ARHGAP31: variants seen among roughly 807,000 people sequenced by gnomAD.
ARHGAP31 encodes the protein rho GTPase-activating protein 31.
A neutral mutation model predicts 113.9 loss-of-function variants in ARHGAP31; 34 were observed. The ratio of observed to expected loss-of-function variants is 0.30; its 90% CI spans 0.23 to 0.40. ARHGAP31 has a LOEUF of 0.40. Ranked by LOEUF, ARHGAP31 falls within the 10% of genes least tolerant of loss-of-function variation. The pLI is 1.00. For missense variants in ARHGAP31, 1,548 were observed against 1,767.1 expected, an observed-to-expected ratio of 0.88 and a Z score of 2.22; for synonymous variants, 650 against 684.8, an observed-to-expected ratio of 0.95 and a Z score of 0.79.
chr3:119,393,842 C>T (rs959561574), intron 8 of ARHGAP31, among the ~76,000 whole-genome samples: 1 of 152,240 alleles, frequency 6.6e-6, no homozygotes, highest in Non-Finnish European at 1.5e-5. Flanking sequence ...TTATCAAAGC[C>T]AAAAATTAAT....
Position 119,382,392 on chromosome 3 carries a change from C to A in ARHGAP31, c.532C>A (p.Leu178Ile), listed in dbSNP as rs955408382. 6.2e-7 allele frequency: 1 copy of A among 1,613,968 alleles called. No individual in the cohort carries two copies. Among genetic ancestry groups the A allele is most frequent in the Non-Finnish European group, 8.5e-7 (1 of 1,179,970 alleles). The part of the protein sequence containing the change: ...RNLALVWAPN[L>I]LRSKEIEATG... The stretch of plus-strand genomic sequence containing the variant: ...CCTGGCCCTGGTGTGGGCGCCAAAC[C>A]TCCTCAGGTAACCACTCTACCCTCC... The change falls in exon 5 of 12, where the codon CTC becomes ATC. Residue 178 changes from leucine (L) to isoleucine (I), a missense_variant. Leu to Ile is a conservative substitution (Grantham distance 5). Coordinates refer to ENST00000264245, the MANE Select transcript of ARHGAP31 (RefSeq NM_020754.4).
At chr3:119,324,716 G>C (rs527852566) in intron 1 of ARHGAP31, among the ~76,000 whole-genome samples, 7 of 152,314 alleles carry the variant, frequency 4.6e-5, no homozygotes, top group Non-Finnish European at 1.0e-4. Flanking sequence ...AACAAAGAGT[G>C]GGGAGAGGAG....
At chr3:119,352,621 C>A (rs1467059924) in intron 1 of ARHGAP31, among the ~76,000 whole-genome samples, 2 of 152,164 alleles carry the variant, frequency 1.3e-5, no homozygotes, top group African/African-American at 2.4e-5. Context: ...CACACACACA[C>A]ACACACAAAA....
rs1381899035 is a variant in ARHGAP31, at chr3:119,385,599, C to T, written c.682+2373C>T. On this transcript the variant is annotated intron_variant, in intron 6 of 11. Coordinates refer to ENST00000264245, the MANE Select transcript of ARHGAP31 (RefSeq NM_020754.4). Reference sequence around the variant, plus strand: ...TTATTCATTCACCCTTTTGAGCCCACAAAAAATTTATTGGGGATTTACTCT... The same window carrying T: ...TTATTCATTCACCCTTTTGAGCCCATAAAAAATTTATTGGGGATTTACTCT... 2.0e-5 allele frequency among the ~76,000 whole-genome samples: 3 copies of T among 152,212 alleles called. No homozygotes were observed. The East Asian group carries it at 5.8e-4, about 29-fold the overall frequency.
At chr3:119,315,788 C>T (rs776366923) in intron 1 of ARHGAP31, among the ~76,000 whole-genome samples, 5 of 152,164 alleles carry the variant, frequency 3.3e-5, no homozygotes, top group Non-Finnish European at 5.9e-5. Flanking sequence ...TTGCACAATA[C>T]AGAGAATGTG....
intron 1 of ARHGAP31, among the ~76,000 whole-genome samples, chr3:119,332,635 T>TCTCTCTCTCTCTCTCA (rs1403595583): frequency 3.5e-5 from 3 of 85,664 alleles, no homozygotes; most frequent in East Asian, 3.4e-4. Flanking sequence ...TCTCTCTCTC[T>TCTCTCTCTCTCTCTCA]CACACACACA....
chr3:119,412,406 AAAAG>A (rs150611621), intron 11 of ARHGAP31, among the ~76,000 whole-genome samples: 20,560 of 148,896 alleles, frequency 0.14, 1,518 homozygotes, highest in South Asian at 0.25. Flanking sequence ...AAAAAAAAAG[AAAAG>A]AAAGAAAGAA....
At position 119,400,932 on chromosome 3, in the gene ARHGAP31, A is replaced by G. The variant is rs1009798889; in HGVS notation, c.1070-890A>G. On this transcript the variant is annotated intron_variant, in intron 9 of 11. Coordinates refer to ENST00000264245, the MANE Select transcript of ARHGAP31 (RefSeq NM_020754.4). ...ATGCCTGTCATCCCAGCACTTTGGG[A>G]GGCCGAGGCAGGCAGATCACCTGAG... Among the ~76,000 whole-genome samples the G allele has an allele frequency of 5.9e-5, 9 of 152,290 alleles. No individual in the cohort carries two copies. In the East Asian group the frequency reaches 1.7e-3, roughly 29 times the overall value.
intron 3 of ARHGAP31, among the ~76,000 whole-genome samples, chr3:119,377,220 C>A (rs1373077628): frequency 6.6e-6 from 1 of 150,972 alleles, no homozygotes; most frequent in Non-Finnish European, 1.5e-5. Context: ...GAGAAAATCT[C>A]TGTGCTTGTG....
intron 1 of ARHGAP31, among the ~76,000 whole-genome samples, chr3:119,363,391 A>AC (rs2080227181): frequency 1.3e-5 from 2 of 151,390 alleles, no homozygotes; most frequent in Non-Finnish European, 2.9e-5. Context: ...CACCCACAGC[A>AC]CCCCCCATCA....
At position 119,419,924 on chromosome 3, in the gene ARHGAP31, T is replaced by A. The variant is rs2080808217; in HGVS notation, c.*3660T>A. On this transcript the variant is annotated 3_prime_UTR_variant, in exon 12 of 12. Transcript: ENST00000264245. ...CAAATGAGCCAGGTAAGATCAGTAT[T>A]CCATAGTGCTTGAAAAGGGGATTTT... 1 of 152,182 alleles carries A rather than the reference T, an allele frequency of 6.6e-6. No homozygotes were observed. Among genetic ancestry groups the A allele is most frequent in the African/African-American group, 2.4e-5 (1 of 41,440 alleles). 9.4% of individuals were successfully genotyped at this position (152,182 alleles called of 1,614,324 possible).
intron 1 of ARHGAP31, among the ~76,000 whole-genome samples, chr3:119,301,892 C>G (rs2079587488): frequency 6.6e-6 from 1 of 152,212 alleles, no homozygotes; most frequent in Admixed American, 6.5e-5. Context: ...CCAGAACAGA[C>G]CACACTTGCT....
intron 1 of ARHGAP31, among the ~76,000 whole-genome samples, chr3:119,356,805 C>T (rs776948630): frequency 1.3e-5 from 2 of 152,056 alleles, no homozygotes; most frequent in Non-Finnish European, 2.9e-5. Flanking sequence ...TGTTAGCAAC[C>T]TGCTGTTGAT....
At chr3:119,394,673 G>A (rs1269302231) in intron 8 of ARHGAP31, among the ~76,000 whole-genome samples, 3 of 152,090 alleles carry the variant, frequency 2.0e-5, no homozygotes, top group Non-Finnish European at 4.4e-5. Context: ...AAAAAGAGCT[G>A]ACCGAGCACA....
In ARHGAP31 at chr3:119,415,229, G is replaced by A; in HGVS notation, c.3300G>A (p.Gly1100=). The A allele has an allele frequency of 1.2e-6, 2 of 1,614,164 alleles. No homozygotes were observed. Among genetic ancestry groups the A allele is most frequent in the Non-Finnish European group, 1.7e-6 (2 of 1,180,018 alleles). Residue 1100 remains glycine (G), a synonymous_variant, in exon 12 of 12, where the codon GGG becomes GGA. Transcript: ENST00000264245. ...LKSTECGPPK[G]KNRPSSLNLD... ...GCACAGAGTGTGGGCCCCCAAAAGGGAAAAACAGGCCTTCTTCCCTCAACT... is the reference window on the plus strand; with the variant it reads ...GCACAGAGTGTGGGCCCCCAAAAGGAAAAAACAGGCCTTCTTCCCTCAACT...
intron 3 of ARHGAP31, among the ~76,000 whole-genome samples, chr3:119,380,463 C>T (rs1429253486): frequency 6.6e-6 from 1 of 152,116 alleles, no homozygotes; most frequent in African/African-American, 2.4e-5. Context: ...TGTCGCTAGA[C>T]TAGATCCAAA....
intron 6 of ARHGAP31, among the ~76,000 whole-genome samples, chr3:119,386,702 G>C (rs1464225814): frequency 6.6e-6 from 1 of 152,206 alleles, no homozygotes; most frequent in Non-Finnish European, 1.5e-5. Context: ...CAAATGTCGG[G>C]CTGCGCTGTT....
At chr3:119,309,674 T>G (rs545937124) in intron 1 of ARHGAP31, among the ~76,000 whole-genome samples, 1 of 152,094 alleles carries the variant, frequency 6.6e-6, no homozygotes, top group Non-Finnish European at 1.5e-5. Flanking sequence ...GTGGGAGGAT[T>G]GCTTGAGCCC....
chr3:119,367,091 TAA>T (rs10706024), intron 2 of ARHGAP31, among the ~76,000 whole-genome samples: 4,135 of 143,460 alleles, frequency 0.029, 123 homozygotes, highest in East Asian at 0.18. Context: ...AAACTCCATC[TAA>T]AAAAAAAAAA....
Sources: allele counts gnomAD v4.1 joint callset (sites outside exome capture counted in the v4.1 genomes callset), GRCh38; gene constraint gnomAD v4.1.1; transcripts MANE v1.5; gene names NCBI Gene and HGNC (gene_info 2026-07-23, HGNC 2026-07-21).